DIP2C: variants seen among roughly 807,000 people sequenced by gnomAD.
DIP2C encodes DIP2 acetate--CoA ligase C (putative).
A neutral mutation model predicts 192.4 loss-of-function variants in DIP2C; 33 were observed. The observed-to-expected ratio is 0.17, with a 90% CI of 0.13 to 0.23. The LOEUF (loss-of-function observed/expected upper bound fraction) is 0.23. Ranked by LOEUF, DIP2C falls within the 10% of genes least tolerant of loss-of-function variation. DIP2C has a pLI of 1.00. For synonymous variants in DIP2C, 979 were observed against 864.1 expected, an observed-to-expected ratio of 1.13 and a Z score of -2.33; for missense variants, 1,537 against 2,110.1, an observed-to-expected ratio of 0.73 and a Z score of 5.32.
At chr10:584,086 ACT>A (rs1401324501) in intron 1 of DIP2C, among the ~76,000 whole-genome samples, 7 of 152,146 alleles carry the variant, frequency 4.6e-5, no homozygotes, top group South Asian at 2.1e-4. Context: ...TTCAGCACTG[ACT>A]CTGAGGCTGC....
Position 414,962 on chromosome 10 carries a change from G to A in DIP2C, c.859+807C>T, listed in dbSNP as rs532874255. On this transcript the variant is annotated intron_variant, in intron 7 of 36. Coordinates refer to ENST00000280886, the MANE Select transcript of DIP2C (RefSeq NM_014974.3). ...TTGCCATATTGCCCAGGCTGGTCTCGAACTCCCAGGCTCAAGTGATCTGCC... is the reference window on the plus strand; with the variant it reads ...TTGCCATATTGCCCAGGCTGGTCTCAAACTCCCAGGCTCAAGTGATCTGCC... Among the ~76,000 whole-genome samples the A allele has an allele frequency of 4.3e-4, 60 of 138,964 alleles. 1 individual carries two copies. Among genetic ancestry groups the A allele is most frequent in the African/African-American group, 1.5e-3 (55 of 37,036 alleles). 91.2% of individuals were successfully genotyped at this position (138,964 alleles called of 152,430 possible).
chr10:423,808 C>T (rs763919754), intron 4 of DIP2C, among the ~76,000 whole-genome samples: 2 of 152,200 alleles, frequency 1.3e-5, no homozygotes, highest in Admixed American at 1.3e-4. Context: ...ACGTGCCTCA[C>T]GCGGAGCAGC....
chr10:689,366 C>T lies in DIP2C; in HGVS notation c.85+128G>A, dbSNP rs1053018896. ...GGGGGTCCGGGGGACGCGCACGCTC[C>T]GGGCTGGGGTCGCACCTCCCCCTCC... On this transcript the variant is annotated intron_variant, in intron 1 of 36. Transcript: ENST00000280886. The surrounding 1 kb of genome is among the most constrained non-coding windows in gnomAD (Gnocchi z 6.1). 5 of 418,980 alleles carry T rather than the reference C, an allele frequency of 1.2e-5. No homozygotes were observed. Among genetic ancestry groups the T allele is most frequent in the South Asian group, 2.0e-4 (2 of 10,250 alleles). The allele number at this position is 418,980 out of a possible 1,614,324, so 26.0% of individuals were successfully genotyped here.
intron 1 of DIP2C, among the ~76,000 whole-genome samples, chr10:579,748 ATAATG>A (rs1244734435): frequency 2.6e-5 from 4 of 152,138 alleles, no homozygotes; most frequent in African/African-American, 9.7e-5. Context: ...TAGGTACACT[ATAATG>A]TATGTACATG....
intron 3 of DIP2C, among the ~76,000 whole-genome samples, chr10:441,603 G>T (rs1451100977): frequency 6.6e-6 from 1 of 152,184 alleles, no homozygotes; most frequent in Non-Finnish European, 1.5e-5. Flanking sequence ...GTTTATTAGA[G>T]GTTTCCGCTT....
At chr10:488,351 G>A (rs1309031801) in intron 1 of DIP2C, among the ~76,000 whole-genome samples, 3 of 152,214 alleles carry the variant, frequency 2.0e-5, no homozygotes, top group Non-Finnish European at 4.4e-5. Context: ...GCTCTTCACA[G>A]GAGGGTTTGC....
At chr10:300,877 T>C (rs11251561) in intron 32 of DIP2C, among the ~76,000 whole-genome samples, 32,490 of 151,650 alleles carry the variant, frequency 0.21, 4,274 homozygotes, top group African/African-American at 0.37. Context: ...CGGAACTCGC[T>C]CTAAGCAGCC....
chr10:669,478 G>A (rs577005138), intron 1 of DIP2C: 4 of 152,258 alleles, frequency 2.6e-5, no homozygotes, highest in Admixed American at 2.6e-4. Flanking sequence ...CTCAACACTG[G>A]AGAACCTCCC....
At chr10:335,705 T>C (rs1039969663) in intron 29 of DIP2C, among the ~76,000 whole-genome samples, 9 of 152,250 alleles carry the variant, frequency 5.9e-5, no homozygotes, top group African/African-American at 2.2e-4. Context: ...CGCTGTGTGC[T>C]ACAGGCTTCA....
At chr10:585,281 G>A (rs867801368) in intron 1 of DIP2C, among the ~76,000 whole-genome samples, 16 of 152,188 alleles carry the variant, frequency 1.1e-4, no homozygotes, top group East Asian at 3.9e-4. Context: ...GGACACCAGC[G>A]GGCATCGCCC....
In DIP2C at chr10:278,176, G is replaced by A. The variant is rs533971990; in HGVS notation, c.4419-599C>T. Among the ~76,000 whole-genome samples, 266 of 151,766 alleles carry A rather than the reference G, an allele frequency of 1.8e-3. 1 individual carries two copies. The highest frequency in any genetic ancestry group is 3.0e-3 in the Non-Finnish European group (203 of 67,958). ...CCAGCTCTGCTGCTGAGGGCCGTGC[G>A]TGTGGACGCCTAGGGCATGGGTGCC... On this transcript the variant is annotated intron_variant, in intron 36 of 36. Coordinates refer to ENST00000280886, the MANE Select transcript of DIP2C (RefSeq NM_014974.3).
At chr10:517,471 T>C (rs1008022120) in intron 1 of DIP2C, among the ~76,000 whole-genome samples, 1 of 152,124 alleles carries the variant, frequency 6.6e-6, no homozygotes, top group African/African-American at 2.4e-5. Flanking sequence ...GAAAGCTCCA[T>C]GAAGACAGGG....
intron 1 of DIP2C, among the ~76,000 whole-genome samples, chr10:627,913 T>C (rs1247232367): frequency 6.6e-6 from 1 of 152,170 alleles, no homozygotes. Flanking sequence ...CCACCATCAG[T>C]CCCCCACCTC....
At chr10:483,898 C>A (rs1843806601) in intron 2 of DIP2C, among the ~76,000 whole-genome samples, 1 of 152,144 alleles carries the variant, frequency 6.6e-6, no homozygotes, top group Non-Finnish European at 1.5e-5. Context: ...CTCACTGCAG[C>A]CTTGACTTCT....
intron 1 of DIP2C, among the ~76,000 whole-genome samples, chr10:599,056 G>C (rs911771248): frequency 6.6e-6 from 1 of 152,188 alleles, no homozygotes; most frequent in Non-Finnish European, 1.5e-5. Flanking sequence ...TAAAGTAAGT[G>C]AAGGAGTCAG....
intron 30 of DIP2C, among the ~76,000 whole-genome samples, chr10:327,551 G>T (rs1957329297): frequency 6.6e-6 from 1 of 152,106 alleles, no homozygotes; most frequent in African/African-American, 2.4e-5. Context: ...ACACACACTG[G>T]AGAGGAACGG....
rs559914681 is a variant in DIP2C at position 364,000 on chromosome 10, C to T, written c.2477+374G>A. Among the ~76,000 whole-genome samples, 24 of 152,310 alleles carry T rather than the reference C, an allele frequency of 1.6e-4. No individual in the cohort carries two copies. The East Asian group carries it at 3.7e-3, about 23-fold the overall frequency. On this transcript the variant is annotated intron_variant, in intron 20 of 36. Coordinates refer to ENST00000280886, the MANE Select transcript of DIP2C (RefSeq NM_014974.3). The surrounding 1 kb of genome is among the most constrained non-coding windows in gnomAD (Gnocchi z 5.4). ...ACTGGTAGAGCGGGGAGGTGGCGAG[C>T]GTCTGCACTCACACAAGTCTGTGAC... is the stretch of plus-strand genomic sequence containing the variant.
intron 1 of DIP2C, among the ~76,000 whole-genome samples, chr10:513,624 C>CTGAAAG (rs61397058): frequency 0.99 from 150,948 of 152,212 alleles, 74,856 homozygotes; most frequent in East Asian, 1. Flanking sequence ...CACACCTTAC[C>CTGAAAG]TGAAAGTCAC....
At chr10:427,692 A>G (rs1966681329) in intron 4 of DIP2C, among the ~76,000 whole-genome samples, 1 of 152,266 alleles carries the variant, frequency 6.6e-6, no homozygotes, top group Non-Finnish European at 1.5e-5. Context: ...TAACTGTTAC[A>G]AAGTAAATAC....
Sources: gnomAD v4.1 joint callset for allele counts (sites outside exome capture counted in the v4.1 genomes callset) on GRCh38, gnomAD v4.1.1 for gene constraint, Gnocchi (gnomAD v3.1) non-coding constraint, MANE v1.5 for transcripts, NCBI Gene and HGNC (gene_info 2026-07-23, HGNC 2026-07-21) for gene names.